Variants in HBS1L observed in about 807,000 individuals in gnomAD.
The protein encoded by HBS1L is HBS1-like protein.
In HBS1L, 55 loss-of-function variants were observed where a neutral mutation model predicts 88.9. The ratio of observed to expected loss-of-function variants is 0.62; its 90% CI spans 0.50 to 0.77. The LOEUF is 0.77. Among genes scored for constraint, HBS1L ranks in the 30% least tolerant of loss-of-function variants. The pLI is 0.00. For synonymous variants in HBS1L, 267 were observed against 288.5 expected, an observed-to-expected ratio of 0.93 and a Z score of 0.76; for missense variants, 741 against 829.3, an observed-to-expected ratio of 0.89 and a Z score of 1.31.
At chr6:135,037,738 G>A (rs1415641683) in intron 4 of HBS1L, 13 of 1,550,762 alleles carry the variant, frequency 8.4e-6, no homozygotes, top group Non-Finnish European at 9.6e-6. Flanking sequence ...TCTGACTGAT[G>A]GCTGACTTTC....
chr6:135,033,108 G>C (rs1032628128), intron 4 of HBS1L, among the ~76,000 whole-genome samples: 8 of 152,026 alleles, frequency 5.3e-5, no homozygotes, highest in African/African-American at 1.7e-4. Flanking sequence ...AAAGAGTGAA[G>C]AGCAAAAATT....
rs918884743 is a variant in HBS1L at position 135,041,381 on chromosome 6, CTTAT to C, written c.235+616_235+619del. Reference sequence around the variant, plus strand: ...TTTTTTATTTATTTATTTATTTATACTTATTTATTTATTTATACTTATAAAAGAA... The same window carrying C: ...TTTTTTATTTATTTATTTATTTATACTTATTTATTTATACTTATAAAAGAA... On this transcript the variant is annotated intron_variant, in intron 3 of 17. Coordinates refer to ENST00000367837, the MANE Select transcript of HBS1L (RefSeq NM_006620.4). Among the ~76,000 whole-genome samples, 17 of 151,062 alleles carry C rather than the reference CTTAT, an allele frequency of 1.1e-4. No homozygotes were observed. In the East Asian group the frequency reaches 1.5e-3, roughly 14 times the overall value.
chr6:135,000,222 A>ATTTTTTTTTTTTTTTTTTTTTTTT (rs33946758), intron 5 of HBS1L, among the ~76,000 whole-genome samples: 5 of 129,418 alleles, frequency 3.9e-5, no homozygotes, highest in African/African-American at 6.9e-5. Context: ...TACCCAGCTA[A>ATTTTTTTTTTTTTTTTTTTTTTTT]TTTTTTTTTT....
intron 15 of HBS1L, among the ~76,000 whole-genome samples, chr6:134,973,951 A>T (rs187458415): frequency 8.0e-4 from 122 of 152,094 alleles, no homozygotes; most frequent in African/African-American, 2.9e-3. Context: ...TATATATATA[A>T]AATAATAAAA....
At chr6:135,000,772 G>C (rs980227242) in intron 5 of HBS1L, among the ~76,000 whole-genome samples, 1 of 151,650 alleles carries the variant, frequency 6.6e-6, no homozygotes, top group Non-Finnish European at 1.5e-5. Context: ...CCAATGTGTT[G>C]GTATCACAAG....
At chr6:135,039,825 A>G in intron 3 of HBS1L, 58 bp from the exon 4 acceptor site, 1 of 1,414,934 alleles carries the variant, frequency 7.1e-7, no homozygotes. Flanking sequence ...AAGAACTTTT[A>G]ATCTTCAAAA....
intron 4 of HBS1L, among the ~76,000 whole-genome samples, chr6:135,030,288 T>TGG (rs1360814392): frequency 6.6e-6 from 1 of 151,912 alleles, no homozygotes; most frequent in Non-Finnish European, 1.5e-5. Flanking sequence ...TCACATGGGG[T>TGG]GGTAATAAAG....
rs1775983431 is a variant in HBS1L at position 135,018,467 on chromosome 6, A to AT, written c.431-15626dup. On this transcript the variant is annotated intron_variant, in intron 4 of 17. Transcript: ENST00000367837. ...TTATGTAAATAACACTGAACCAGCA[A>AT]TTTTTTAAAACAAAGACATTTAAAT... Among the ~76,000 whole-genome samples, 5 of 152,004 alleles carry AT rather than the reference A, an allele frequency of 3.3e-5. No individual in the cohort carries two copies. The South Asian group carries it at 1.0e-3, about 31-fold the overall frequency.
intron 15 of HBS1L, among the ~76,000 whole-genome samples, chr6:134,973,403 A>C (rs2114754131): frequency 6.6e-6 from 1 of 152,356 alleles, no homozygotes; most frequent in East Asian, 1.9e-4. Flanking sequence ...GCAAATTCAC[A>C]GAGAAAGTAA....
Position 135,039,592 on chromosome 6 carries a change from A to G in HBS1L, c.411T>C (p.Ser137=). The G allele has an allele frequency of 6.2e-7, 1 of 1,614,076 alleles. No individual in the cohort carries two copies. The highest frequency in any genetic ancestry group is 2.2e-5 in the East Asian group (1 of 44,854). ...GCATACCTTTTGCTATCTTTCCTGTAGATACTGTTGCCTCATTCTTGTCCT... is the reference window on the plus strand; with the variant it reads ...GCATACCTTTTGCTATCTTTCCTGTGGATACTGTTGCCTCATTCTTGTCCT... ...SLKDKNEATV[S]TGKIAKGKPV... The change falls in exon 4 of 18, where the codon TCT becomes TCC. Residue 137 remains serine (S), a synonymous_variant. Transcript: ENST00000367837.
chr6:135,005,105 G>A (rs1343852685), intron 4 of HBS1L, among the ~76,000 whole-genome samples: 1 of 152,154 alleles, frequency 6.6e-6, no homozygotes, highest in Non-Finnish European at 1.5e-5. Context: ...ATTCACTGGT[G>A]ACATGATCAC....
At chr6:135,028,007 T>A (rs1284241420) in intron 4 of HBS1L, among the ~76,000 whole-genome samples, 1 of 152,036 alleles carries the variant, frequency 6.6e-6, no homozygotes, top group Non-Finnish European at 1.5e-5. Flanking sequence ...GCTCAAGCAA[T>A]CCACCTGCCT....
At chr6:135,012,119 A>G (rs1034988952) in intron 4 of HBS1L, among the ~76,000 whole-genome samples, 4 of 152,150 alleles carry the variant, frequency 2.6e-5, no homozygotes, top group African/African-American at 9.7e-5. Flanking sequence ...TATATGAATG[A>G]TATTGTTCAC....
At chr6:135,022,933 A>C (rs1202781092) in intron 4 of HBS1L, among the ~76,000 whole-genome samples, 1 of 152,018 alleles carries the variant, frequency 6.6e-6, no homozygotes, top group Non-Finnish European at 1.5e-5. Flanking sequence ...GAAAAAAAAA[A>C]AAAGAGGTTG....
chr6:134,980,622 C>T (rs1258873407), intron 13 of HBS1L, among the ~76,000 whole-genome samples: 3 of 151,828 alleles, frequency 2.0e-5, no homozygotes, highest in Non-Finnish European at 4.4e-5. Context: ...TAATTATATT[C>T]TCTGGTTCTT....
chr6:135,014,991 T>G (rs1185000598), intron 4 of HBS1L, among the ~76,000 whole-genome samples: 1 of 151,804 alleles, frequency 6.6e-6, no homozygotes, highest in East Asian at 1.9e-4. Context: ...GCCAAGATCA[T>G]GCCACTGTAC....
intron 10 of HBS1L, 38 bp from the exon 11 acceptor site, chr6:134,986,221 T>C (rs1774975231): frequency 9.7e-7 from 1 of 1,033,722 alleles, no homozygotes; most frequent in East Asian, 2.4e-5. Flanking sequence ...TAATACAACA[T>C]TTTTTAAAAC....
At chr6:134,993,303 G>A (rs1353880925) in intron 8 of HBS1L, among the ~76,000 whole-genome samples, 1 of 152,088 alleles carries the variant, frequency 6.6e-6, no homozygotes, top group Non-Finnish European at 1.5e-5. Flanking sequence ...TTTACAAATT[G>A]CAATGCTTTT....
At chr6:134,999,164 CT>C (rs1775375038) in intron 5 of HBS1L, among the ~76,000 whole-genome samples, 1 of 152,126 alleles carries the variant, frequency 6.6e-6, no homozygotes, top group African/African-American at 2.4e-5. Flanking sequence ...GGCCCCAGAT[CT>C]TTTTGTTTTT....
Sources: gnomAD v4.1 joint callset for allele counts (sites outside exome capture counted in the v4.1 genomes callset) on GRCh38, gnomAD v4.1.1 for gene constraint, MANE v1.5 for transcripts, NCBI Gene and HGNC (gene_info 2026-07-23, HGNC 2026-07-21) for gene names.